TSGA10: variants seen among roughly 807,000 people sequenced by gnomAD.
TSGA10 encodes testis-specific gene 10 protein.
A neutral mutation model predicts 96.6 loss-of-function variants in TSGA10; 43 were observed. That is an observed-to-expected ratio of 0.44 (90% CI 0.35 to 0.57). The LOEUF (loss-of-function observed/expected upper bound fraction) is 0.57. Among genes scored for constraint, TSGA10 ranks in the 20% least tolerant of loss-of-function variants. The pLI is 0.01. For synonymous variants in TSGA10, 229 were observed against 269.9 expected, an observed-to-expected ratio of 0.85 and a Z score of 1.48; for missense variants, 703 against 834.4, an observed-to-expected ratio of 0.84 and a Z score of 1.94.
chr2:99,020,199 C>A, intron 18 of TSGA10, 81 bp downstream of exon 18: 1 of 1,262,998 alleles, frequency 7.9e-7, no homozygotes, highest in Non-Finnish European at 1.1e-6. Flanking sequence ...GGCAAATTCT[C>A]TAAATTCTAG....
chr2:99,068,855 T>C, intron 15 of TSGA10, 33 bp downstream of exon 15: 1 of 1,086,602 alleles, frequency 9.2e-7, no homozygotes, highest in Non-Finnish European at 1.3e-6. Flanking sequence ...GAAAACTAAG[T>C]ATCATGAGCA....
At chr2:99,070,299 A>G (rs1454991692) in intron 14 of TSGA10, among the ~76,000 whole-genome samples, 2 of 152,138 alleles carry the variant, frequency 1.3e-5, no homozygotes, top group Non-Finnish European at 2.9e-5. Flanking sequence ...TACAGATGCT[A>G]CAGAGACTCA....
At chr2:99,117,501 T>C (rs2092341745) in intron 4 of TSGA10, 43 bp downstream of exon 4, 2 of 914,650 alleles carry the variant, frequency 2.2e-6, no homozygotes, top group Middle Eastern at 5.7e-4. Context: ...TTACATGATG[T>C]TTAAAGTAAA....
At chr2:99,137,625 G>GATA (rs1480637040) in intron 1 of TSGA10, among the ~76,000 whole-genome samples, 1 of 151,134 alleles carries the variant, frequency 6.6e-6, no homozygotes, top group African/African-American at 2.4e-5. Context: ...TGAAGTGATT[G>GATA]ATATGATATC....
intron 2 of TSGA10, among the ~76,000 whole-genome samples, chr2:99,122,791 C>CAA (rs756084115): frequency 1.5e-5 from 2 of 135,676 alleles, no homozygotes; most frequent in African/African-American, 2.7e-5. Context: ...ACCCTGTCTC[C>CAA]AAAAAAAAAA....
chr2:99,011,843 G>A (rs1175695669), intron 20 of TSGA10, among the ~76,000 whole-genome samples: 1 of 152,054 alleles, frequency 6.6e-6, no homozygotes, highest in Non-Finnish European at 1.5e-5. Context: ...AAGAACACCT[G>A]GGAAATTCAT....
chr2:99,001,521 T>C (rs956773711), intron 20 of TSGA10, among the ~76,000 whole-genome samples: 5 of 152,164 alleles, frequency 3.3e-5, no homozygotes, highest in African/African-American at 1.2e-4. Flanking sequence ...ACCACAAAGA[T>C]GGGGAGAAAC....
chr2:99,026,427 T>C (rs2080568545), intron 17 of TSGA10, among the ~76,000 whole-genome samples: 1 of 152,076 alleles, frequency 6.6e-6, no homozygotes, highest in Admixed American at 6.6e-5. Flanking sequence ...CTCTTTTTTT[T>C]TTTTATTTTT....
intron 15 of TSGA10, 38 bp downstream of exon 15, chr2:99,068,850 C>G: frequency 9.6e-7 from 1 of 1,045,428 alleles, no homozygotes; most frequent in Non-Finnish European, 1.3e-6. Flanking sequence ...CTAGTGAAAA[C>G]TAAGTATCAT....
intron 10 of TSGA10, among the ~76,000 whole-genome samples, chr2:99,082,321 G>GT (rs989408081): frequency 4.6e-5 from 7 of 152,126 alleles, no homozygotes; most frequent in African/African-American, 1.4e-4. Flanking sequence ...GTAACCATTT[G>GT]TTTTTTTGAT....
At chr2:99,113,498 G>C (rs964065576) in intron 4 of TSGA10, among the ~76,000 whole-genome samples, 3 of 152,156 alleles carry the variant, frequency 2.0e-5, no homozygotes, top group African/African-American at 4.8e-5. Flanking sequence ...AGCCATCTTA[G>C]AAGTAGATCC....
At chr2:99,137,417 C>T (rs1574688437) in intron 1 of TSGA10, among the ~76,000 whole-genome samples, 4 of 152,204 alleles carry the variant, frequency 2.6e-5, no homozygotes, top group Admixed American at 2.6e-4. Flanking sequence ...AGCTATTGGG[C>T]GAACAAAGAA....
At chr2:99,072,203 C>G (rs926075257) in intron 13 of TSGA10, among the ~76,000 whole-genome samples, 11 of 152,174 alleles carry the variant, frequency 7.2e-5, no homozygotes, top group Admixed American at 1.3e-4. Flanking sequence ...CCTCTGCCCA[C>G]TTAAAAATTA....
At chr2:99,084,310 G>C (rs1205448472) in intron 10 of TSGA10, among the ~76,000 whole-genome samples, 3 of 152,192 alleles carry the variant, frequency 2.0e-5, no homozygotes, top group Non-Finnish European at 4.4e-5. Flanking sequence ...AGTGGGGCCT[G>C]GGGAAGAGAT....
At chr2:99,069,662 T>TAAATA (rs1259272227) in intron 14 of TSGA10, among the ~76,000 whole-genome samples, 3 of 149,494 alleles carry the variant, frequency 2.0e-5, no homozygotes. Context: ...AATAAATAAA[T>TAAATA]AATAATTAAA....
chr2:99,124,409 T>A (rs1287852251), intron 2 of TSGA10, among the ~76,000 whole-genome samples: 1 of 152,176 alleles, frequency 6.6e-6, no homozygotes, highest in Non-Finnish European at 1.5e-5. Context: ...TTTTCTCTCA[T>A]GTAGTTAACA....
intron 1 of TSGA10, chr2:99,147,546 CT>C: frequency 2.0e-6 from 3 of 1,496,952 alleles, no homozygotes; most frequent in Non-Finnish European, 2.8e-6. Flanking sequence ...CTCCTCAGTC[CT>C]TTTATTAGAT....
chr2:99,113,690 T>C (rs1382427779), intron 4 of TSGA10, among the ~76,000 whole-genome samples: 3 of 149,864 alleles, frequency 2.0e-5, no homozygotes, highest in Non-Finnish European at 3.0e-5. Context: ...GGATTACAGG[T>C]GCCCACCACC....
chr2:99,023,769 T>G (rs1195529166), intron 17 of TSGA10, among the ~76,000 whole-genome samples: 7 of 152,256 alleles, frequency 4.6e-5, no homozygotes, highest in African/African-American at 1.7e-4. Flanking sequence ...TTCCTTATGC[T>G]AGTACCACAT....
Sources: gnomAD v4.1 joint callset for allele counts (sites outside exome capture counted in the v4.1 genomes callset) on GRCh38, gnomAD v4.1.1 for gene constraint, MANE v1.5 for transcripts, NCBI Gene and HGNC (gene_info 2026-07-23, HGNC 2026-07-21) for gene names.